PIAS1: variants seen among roughly 807,000 people sequenced by gnomAD.
The protein encoded by PIAS1 is E3 SUMO-protein ligase PIAS1.
PIAS1 carries 6 observed loss-of-function variants against 71.3 expected under a neutral mutation model. The observed-to-expected ratio is 0.08, with a 90% confidence interval of 0.05 to 0.17. The LOEUF (loss-of-function observed/expected upper bound fraction) is 0.17. PIAS1 is among the 10% of genes least tolerant of loss of function. The pLI, the probability that PIAS1 is intolerant of heterozygous loss-of-function variation, is 1.00. For synonymous variants in PIAS1, 303 were observed against 292.9 expected (o/e 1.03, Z -0.35); for missense variants, 555 against 793.6 (o/e 0.70, Z 3.61).
In PIAS1 at chr15:68,086,494, G is replaced by A. The variant is rs201728653; in HGVS notation, c.213G>A (p.Thr71=). The A allele has an allele frequency of 7.4e-6, 12 of 1,613,724 alleles. No homozygotes were observed. Among genetic ancestry groups the A allele is most frequent in the Non-Finnish European group, 5.9e-6 (7 of 1,179,836 alleles). Residue 71 remains threonine (T), a synonymous_variant, in exon 2 of 14, where the codon ACG becomes ACA. Transcript: ENST00000249636. The surrounding 1 kb of genome is among the most constrained non-coding windows in gnomAD (Gnocchi z 7.2). ...GGCGGTTCCCACAGAAAATCATGAC[G>A]CCTGCAGACTTGTCCATCCCCAACG... The part of the protein sequence containing the change: ...YRRRFPQKIM[T]PADLSIPNVH...
At chr15:68,073,420 A>G (rs1244039785) in intron 1 of PIAS1, among the ~76,000 whole-genome samples, 1 of 152,254 alleles carries the variant, frequency 6.6e-6, no homozygotes, top group East Asian at 1.9e-4. Context: ...GATGAACAAG[A>G]CAGTCTCTAT....
chr15:68,104,836 A>G (rs558804559), intron 2 of PIAS1, among the ~76,000 whole-genome samples: 1 of 152,316 alleles, frequency 6.6e-6, no homozygotes, highest in Non-Finnish European at 1.5e-5. Context: ...AAGTTTACAT[A>G]AGGGTCTCTG....
At chr15:68,059,858 G>A (rs2091938871) in intron 1 of PIAS1, among the ~76,000 whole-genome samples, 1 of 152,142 alleles carries the variant, frequency 6.6e-6, no homozygotes, top group African/African-American at 2.4e-5. Context: ...GATTACAGGT[G>A]TGAGACACTG....
At chr15:68,116,640 C>T (rs2092567246) in intron 2 of PIAS1, among the ~76,000 whole-genome samples, 1 of 151,818 alleles carries the variant, frequency 6.6e-6, no homozygotes, top group African/African-American at 2.4e-5. Flanking sequence ...TTTCTCTTCT[C>T]TTTTTTTAGT....
chr15:68,148,437 T>G (rs1382768478), intron 6 of PIAS1, among the ~76,000 whole-genome samples: 3 of 152,066 alleles, frequency 2.0e-5, no homozygotes, highest in African/African-American at 7.2e-5. Context: ...TTCTTTTTCT[T>G]TTTCTTTTTT....
intron 10 of PIAS1, 32 bp from the exon 11 acceptor site, chr15:68,176,442 C>T: frequency 6.9e-7 from 1 of 1,456,462 alleles, no homozygotes; most frequent in Non-Finnish European, 9.2e-7. Flanking sequence ...ATAGCTCTTC[C>T]CTTGCCTTGT....
chr15:68,070,804 A>G (rs2092086711), intron 1 of PIAS1, among the ~76,000 whole-genome samples: 2 of 152,172 alleles, frequency 1.3e-5, no homozygotes, highest in African/African-American at 2.4e-5. Flanking sequence ...TTTTTGAAAT[A>G]GAGATGTGGC....
chr15:68,106,351 C>CAAAAAAAAAAAAAAAAAAAAAAATAAA (rs11313083), intron 2 of PIAS1, among the ~76,000 whole-genome samples: 1 of 92,858 alleles, frequency 1.1e-5, no homozygotes, highest in Non-Finnish European at 2.2e-5. Context: ...ATGACCTTTG[C>CAAAAAAAAAAAAAAAAAAAAAAATAAA]AAAAAAAAAA....
intron 2 of PIAS1, among the ~76,000 whole-genome samples, chr15:68,096,725 T>G (rs1170974730): frequency 1.3e-5 from 2 of 152,190 alleles, no homozygotes; most frequent in Non-Finnish European, 2.9e-5. Context: ...TCATTGTTTG[T>G]GTATGGAAAC....
chr15:68,079,551 C>CGTT (rs1374751567), intron 1 of PIAS1, among the ~76,000 whole-genome samples: 13 of 152,152 alleles, frequency 8.5e-5, no homozygotes, highest in Non-Finnish European at 7.3e-5. Context: ...ACCACAGCCT[C>CGTT]GAACTCCTGG....
rs73423802 is a variant in PIAS1, at chr15:68,174,231, C to T, written c.1169+339C>T. 3.6e-4 allele frequency among the ~76,000 whole-genome samples: 55 copies of T among 152,236 alleles called. No individual in the cohort carries two copies. The highest frequency in any genetic ancestry group is 3.4e-3 in the Middle Eastern group (1 of 294). ...CCTAGATATGCAGACCATATTGGAACAAGAATGTATGGGGAAATTTGGGTT... is the reference window on the plus strand; with the variant it reads ...CCTAGATATGCAGACCATATTGGAATAAGAATGTATGGGGAAATTTGGGTT... On this transcript the variant is annotated intron_variant, in intron 9 of 13. Coordinates refer to ENST00000249636, the MANE Select transcript of PIAS1 (RefSeq NM_016166.3). This position sits in a 1 kb window ranked among gnomAD's most constrained non-coding sequence, Gnocchi z 4.0.
intron 1 of PIAS1, among the ~76,000 whole-genome samples, chr15:68,065,692 A>G (rs1020945373): frequency 6.5e-4 from 99 of 151,404 alleles, no homozygotes; most frequent in Admixed American, 3.1e-3. Context: ...AGTAATGCTA[A>G]ACGGTAGTAG....
chr15:68,146,526 T>C (rs1165964459), intron 5 of PIAS1, 40 bp from the exon 6 acceptor site: 1 of 1,520,820 alleles, frequency 6.6e-7, no homozygotes. Context: ...AAAATGATTG[T>C]GGAAATAATA....
intron 1 of PIAS1, among the ~76,000 whole-genome samples, chr15:68,085,108 G>T (rs1454876174): frequency 6.6e-6 from 1 of 152,174 alleles, no homozygotes; most frequent in Non-Finnish European, 1.5e-5. Flanking sequence ...TTATCATTGT[G>T]AGTGGTGGTG....
chr15:68,187,640 G>A lies in PIAS1; in HGVS notation c.1761G>A (p.Gln587=). 1 of 1,613,904 alleles carries A rather than the reference G, an allele frequency of 6.2e-7. No individual in the cohort carries two copies. Among genetic ancestry groups the A allele is most frequent in the Non-Finnish European group, 8.5e-7 (1 of 1,179,846 alleles). The change falls in exon 14 of 14, where the codon CAG becomes CAA. Residue 587 remains glutamine (Q), a synonymous_variant. Transcript: ENST00000249636. The surrounding 1 kb of genome is among the most constrained non-coding windows in gnomAD (Gnocchi z 5.3). ...GGTTTTTCCCGTATACCTCCTCACA[G>A]ATGTTTCTTGATCAGTTAAGTGCAG... is the stretch of plus-strand genomic sequence containing the variant. ...SSRFFPYTSS[Q]MFLDQLSAGG...
At chr15:68,098,405 A>T (rs957009900) in intron 2 of PIAS1, among the ~76,000 whole-genome samples, 7 of 150,730 alleles carry the variant, frequency 4.6e-5, no homozygotes, top group African/African-American at 1.5e-4. Context: ...AGTAGGCTAA[A>T]GGGGAGGAGT....
chr15:68,163,364 G>A (rs1193549057), intron 7 of PIAS1, among the ~76,000 whole-genome samples: 1 of 152,124 alleles, frequency 6.6e-6, no homozygotes, highest in African/African-American at 2.4e-5. Flanking sequence ...TTGTGTGTCA[G>A]GAGACAGCCT....
chr15:68,083,552 T>A (rs2092249291), intron 1 of PIAS1, among the ~76,000 whole-genome samples: 1 of 152,170 alleles, frequency 6.6e-6, no homozygotes, highest in African/African-American at 2.4e-5. Context: ...AATAAATTAA[T>A]CTTCAAATAG....
intron 2 of PIAS1, among the ~76,000 whole-genome samples, chr15:68,132,424 G>A (rs1240775711): frequency 6.6e-6 from 1 of 151,830 alleles, no homozygotes; most frequent in Non-Finnish European, 1.5e-5. Flanking sequence ...GCAGTGAGCC[G>A]AGATGGCACC....
Sources: allele counts gnomAD v4.1 joint callset (sites outside exome capture counted in the v4.1 genomes callset), GRCh38; gene constraint gnomAD v4.1.1; non-coding constraint Gnocchi (gnomAD v3.1); transcripts MANE v1.5; gene names NCBI Gene and HGNC (gene_info 2026-07-23, HGNC 2026-07-21).